The following TENM4 variants were observed in gnomAD, a reference collection of about 807,000 sequenced individuals.
TENM4 encodes the protein teneurin transmembrane protein 4, also known as teneurin-4.
TENM4 carries 82 observed loss-of-function variants against 243.3 expected under a neutral mutation model. That is an observed-to-expected ratio of 0.34 (90% confidence interval 0.28 to 0.40). The LOEUF is 0.40. Among genes scored for constraint, TENM4 ranks in the 10% least tolerant of loss-of-function variants. TENM4 has a pLI of 1.00. For synonymous variants in TENM4, 1,412 were observed against 1,456.3 expected (o/e 0.97, Z 0.69); for missense variants, 3,138 against 3,673.3 (o/e 0.85, Z 3.77).
At chr11:79,000,761 C>T (rs763195028) in intron 6 of TENM4, among the ~76,000 whole-genome samples, 15 of 152,256 alleles carry the variant, frequency 9.9e-5, no homozygotes, top group African/African-American at 3.4e-4. Context: ...CCGGGTGCAG[C>T]GGCTCATGCC....
At chr11:79,186,740 T>G (rs1863387389) in intron 3 of TENM4, among the ~76,000 whole-genome samples, 1 of 152,250 alleles carries the variant, frequency 6.6e-6, no homozygotes, top group Admixed American at 6.5e-5. Flanking sequence ...CTAAGTTTTC[T>G]AGACCTATGC....
rs147672924 is a variant in TENM4 at position 79,386,546 on chromosome 11, C to G, written c.-321+53963G>C. Among the ~76,000 whole-genome samples, 1,013 of 151,978 alleles carry G rather than the reference C, an allele frequency of 6.7e-3. 9 individuals are homozygous for G. The highest frequency in any genetic ancestry group is 0.01 in the Non-Finnish European group (711 of 67,958). ...TGCCAGAATATATAAAGAATTCCCACAAATAATTAAGAAAAAAGCAGACAA... is the reference window on the plus strand; with the variant it reads ...TGCCAGAATATATAAAGAATTCCCAGAAATAATTAAGAAAAAAGCAGACAA... On this transcript the variant is annotated intron_variant, in intron 1 of 33. Transcript: ENST00000278550.
intron 12 of TENM4, among the ~76,000 whole-genome samples, chr11:78,818,348 A>C (rs1031956853): frequency 3.9e-5 from 6 of 152,196 alleles, no homozygotes; most frequent in Admixed American, 2.6e-4. Context: ...AAGCCTTCAT[A>C]GTGAGAAAGG....
At chr11:79,092,020 T>C (rs1400317175) in intron 4 of TENM4, among the ~76,000 whole-genome samples, 1 of 152,200 alleles carries the variant, frequency 6.6e-6, no homozygotes, top group Non-Finnish European at 1.5e-5. Flanking sequence ...CCCAACCCAG[T>C]GCTCCTGGAT....
chr11:78,805,822 GT>G (rs1857377868), intron 14 of TENM4, among the ~76,000 whole-genome samples: 1 of 152,178 alleles, frequency 6.6e-6, no homozygotes, highest in Non-Finnish European at 1.5e-5. Flanking sequence ...CACAGGAGGT[GT>G]TTAATAAGTC....
chr11:79,162,311 A>G (rs1862764987), intron 3 of TENM4, among the ~76,000 whole-genome samples: 1 of 152,192 alleles, frequency 6.6e-6, no homozygotes, highest in African/African-American at 2.4e-5. Flanking sequence ...TGGTTTCTTC[A>G]TCCATCAAAT....
intron 1 of TENM4, among the ~76,000 whole-genome samples, chr11:79,372,082 T>G (rs1590918036): frequency 6.6e-6 from 1 of 152,204 alleles, no homozygotes; most frequent in Admixed American, 6.5e-5. Context: ...CGTGTATAGA[T>G]GAACTTCATG....
chr11:78,689,079 T>A (rs775074676), intron 28 of TENM4, among the ~76,000 whole-genome samples: 1 of 152,222 alleles, frequency 6.6e-6, no homozygotes, highest in African/African-American at 2.4e-5. Flanking sequence ...CTAAAAGGTA[T>A]GTATTATCTC....
intron 6 of TENM4, among the ~76,000 whole-genome samples, chr11:79,047,890 G>C (rs902257361): frequency 2.0e-5 from 3 of 151,998 alleles, no homozygotes; most frequent in African/African-American, 7.3e-5. Context: ...TATCTGACCT[G>C]TAATAAGTAC....
chr11:78,920,439 G>T (rs1321548747), intron 6 of TENM4, among the ~76,000 whole-genome samples: 1 of 152,210 alleles, frequency 6.6e-6, no homozygotes, highest in Non-Finnish European at 1.5e-5. Flanking sequence ...ACCATGACCT[G>T]TGTGGAAATG....
intron 7 of TENM4, among the ~76,000 whole-genome samples, chr11:78,900,940 G>A (rs1043089565): frequency 1.3e-5 from 2 of 152,098 alleles, no homozygotes; most frequent in African/African-American, 4.8e-5. Context: ...CACCTTTTCC[G>A]GCTTTAGGTC....
intron 4 of TENM4, among the ~76,000 whole-genome samples, chr11:79,102,266 G>A (rs556723536): frequency 6.6e-6 from 1 of 152,292 alleles, no homozygotes; most frequent in South Asian, 2.1e-4. Context: ...ATCTGTTGCA[G>A]TCATACATTG....
intron 12 of TENM4, among the ~76,000 whole-genome samples, chr11:78,853,181 C>T (rs1858585288): frequency 6.6e-6 from 1 of 152,168 alleles, no homozygotes; most frequent in African/African-American, 2.4e-5. Context: ...ACCCCATTCC[C>T]AGGTGTTCTG....
chr11:79,268,658 C>G (rs1175599225), intron 2 of TENM4, among the ~76,000 whole-genome samples: 1 of 152,174 alleles, frequency 6.6e-6, no homozygotes, highest in Non-Finnish European at 1.5e-5. Flanking sequence ...TTTGACTCAT[C>G]AGGTGCAAAG....
At chr11:79,083,226 G>A (rs575723797) in intron 4 of TENM4, among the ~76,000 whole-genome samples, 1 of 152,330 alleles carries the variant, frequency 6.6e-6, no homozygotes, top group South Asian at 2.1e-4. Flanking sequence ...GATGGGGACA[G>A]GGATCCAGGA....
intron 19 of TENM4, among the ~76,000 whole-genome samples, chr11:78,742,563 T>C (rs1316517210): frequency 1.3e-5 from 2 of 152,162 alleles, no homozygotes; most frequent in African/African-American, 2.4e-5. Flanking sequence ...ACACTTGGGT[T>C]TGGCATATGT....
At chr11:79,341,947 A>G (rs1565307199) in intron 1 of TENM4, among the ~76,000 whole-genome samples, 1 of 152,226 alleles carries the variant, frequency 6.6e-6, no homozygotes, top group Admixed American at 6.5e-5. Context: ...AAATGGATAT[A>G]AGAATCCTAC....
intron 6 of TENM4, among the ~76,000 whole-genome samples, chr11:79,002,910 T>C (rs1029144304): frequency 6.6e-6 from 1 of 151,838 alleles, no homozygotes; most frequent in Non-Finnish European, 1.5e-5. Flanking sequence ...AACAGAACAA[T>C]ACAGGAGATG....
In TENM4 at chr11:79,236,383, C is replaced by T. The variant is rs375515542; in HGVS notation, c.-264-20474G>A. Among the ~76,000 whole-genome samples, 20 of 152,308 alleles carry T rather than the reference C, an allele frequency of 1.3e-4. No homozygotes were observed. The East Asian group carries it at 3.9e-3, about 29-fold the overall frequency. ...GGATCACGCACAGCTATTCTTTTTA[C>T]TCTGCTCTATTACGCTGATGCCCTT... On this transcript the variant is annotated intron_variant, in intron 2 of 33. Coordinates refer to ENST00000278550, the MANE Select transcript of TENM4 (RefSeq NM_001098816.3).
Sources: gnomAD v4.1 joint callset for allele counts (sites outside exome capture counted in the v4.1 genomes callset) on GRCh38, gnomAD v4.1.1 for gene constraint, MANE v1.5 for transcripts, NCBI Gene and HGNC (gene_info 2026-07-23, HGNC 2026-07-21) for gene names.